The following ZNF551 variants were observed in gnomAD, a reference collection of about 807,000 sequenced individuals.
ZNF551 encodes the protein zinc finger protein 551.
Under a neutral mutation model 7.9 loss-of-function variants are expected in ZNF551, and 5 were observed. That is an observed-to-expected ratio of 0.63 (90% CI 0.33 to 1.33). The LOEUF (loss-of-function observed/expected upper bound fraction) is 1.33. ZNF551 is among the 40% of genes most tolerant of loss of function. The probability of loss-of-function intolerance (pLI) is 0.05; values close to 1 mark genes in which losing one functional copy is unlikely to be tolerated. For missense variants in ZNF551, 788 were observed against 825.2 expected, an observed-to-expected ratio of 0.95 and a Z score of 0.55; for synonymous variants, 287 against 277.3, an observed-to-expected ratio of 1.03 and a Z score of -0.35.
Position 57,687,744 on chromosome 19 carries a change from T to G in ZNF551, c.1469T>G (p.Leu490Arg). Residue 490 changes from leucine to arginine, a missense_variant, in exon 3 of 3, where the codon CTG (leucine) becomes CGG (arginine). Physicochemically the swap from Leu to Arg is moderately radical, Grantham distance 102. Coordinates refer to ENST00000282296, the MANE Select transcript of ZNF551 (RefSeq NM_138347.5). Reference protein sequence around the residue: ...CEKSFSRKFILIQHQRVHTGE... With the variant: ...CEKSFSRKFIRIQHQRVHTGE... ...AAATCCTTTAGCCGCAAATTTATCC[T>G]GATTCAACACCAAAGAGTTCACACT... 1 of 1,614,198 alleles carries G rather than the reference T, an allele frequency of 6.2e-7. No individual in the cohort carries two copies. Among genetic ancestry groups the G allele is most frequent in the Non-Finnish European group, 8.5e-7 (1 of 1,180,036 alleles).
rs12608585 is a variant in ZNF551 at position 57,689,260 on chromosome 19, G to T, written c.*972G>T. The T allele has an allele frequency of 0.54, 82,682 of 152,048 alleles. 22,758 individuals carry two copies. The highest frequency in any genetic ancestry group is 0.61 in the Middle Eastern group (178 of 294). The allele number at this position is 152,048 out of a possible 1,614,324, so 9.4% of individuals were successfully genotyped here. ...TTGCCCAGGTCCTGCAAAGGAGCCA[G>T]GTGCCATGGCATATAAGTCAGTGTA... On this transcript the variant is annotated 3_prime_UTR_variant, in exon 3 of 3. Coordinates refer to ENST00000282296, the MANE Select transcript of ZNF551 (RefSeq NM_138347.5).
At position 57,685,249 on chromosome 19, in the gene ZNF551, C is replaced by G. The variant is rs1327878842; in HGVS notation, c.82-13C>G. 3 of 1,613,178 alleles carry G rather than the reference C, an allele frequency of 1.9e-6. No individual in the cohort carries two copies. Among genetic ancestry groups the G allele is most frequent in the African/African-American group, 2.7e-5 (2 of 74,852 alleles). On this transcript the variant is annotated splice_polypyrimidine_tract_variant and intron_variant, in intron 1 of 2. Transcript: ENST00000282296. ...GGGTCTGATCGTGGATTGAACTATTCCTGCTGTGACAGGGTATGACCTTTG... is the reference window on the plus strand; with the variant it reads ...GGGTCTGATCGTGGATTGAACTATTGCTGCTGTGACAGGGTATGACCTTTG...
intron 2 of ZNF551, 111 bp downstream of exon 2, chr19:57,685,496 C>A: frequency 6.5e-7 from 1 of 1,532,200 alleles, no homozygotes. Context: ...CTTGTCTTCC[C>A]CCTGTCAGGA....
In ZNF551 at chr19:57,687,246, A is replaced by G. The variant is rs1984594796; in HGVS notation, c.971A>G (p.His324Arg). 1 of 1,614,044 alleles carries G rather than the reference A, an allele frequency of 6.2e-7. No homozygotes were observed. Among genetic ancestry groups the G allele is most frequent in the Non-Finnish European group, 8.5e-7 (1 of 1,180,032 alleles). Reference sequence around the variant, plus strand: ...TTTATCCATAAATCTGAATTCATTCACCACCAGAGACGTCACACTGGAGGA... The same window carrying G: ...TTTATCCATAAATCTGAATTCATTCGCCACCAGAGACGTCACACTGGAGGA... ...KAFIHKSEFI[H>R]HQRRHTGGVR... Residue 324 changes from histidine (H) to arginine (R), a missense_variant, in exon 3 of 3, where the codon CAC (histidine) becomes CGC (arginine). Physicochemically the swap from His to Arg is conservative, Grantham distance 29. Coordinates refer to ENST00000282296, the MANE Select transcript of ZNF551 (RefSeq NM_138347.5).
At position 57,682,018 on chromosome 19, in the gene ZNF551, T is replaced by C. The variant is rs1471266505; in HGVS notation, c.-146T>C. Reference sequence around the variant, plus strand: ...TCCTCGTGGCGGTCATTTTGGCCTCTGTCCTGTTTGTCCAGCCCGCCAGTT... The same window carrying C: ...TCCTCGTGGCGGTCATTTTGGCCTCCGTCCTGTTTGTCCAGCCCGCCAGTT... On this transcript the variant is annotated 5_prime_UTR_variant, in exon 1 of 3. Transcript: ENST00000282296. 6 of 828,606 alleles carry C rather than the reference T, an allele frequency of 7.2e-6. No homozygotes were observed. The highest frequency in any genetic ancestry group is 1.1e-5 in the Non-Finnish European group (6 of 540,914). The allele number at this position is 828,606 out of a possible 1,614,324, so 51.3% of individuals were successfully genotyped here.
Position 57,688,595 on chromosome 19 carries a change from T to G in ZNF551, c.*307T>G. 1 of 335,446 alleles carries G rather than the reference T, an allele frequency of 3.0e-6. No individual in the cohort carries two copies. Among genetic ancestry groups the G allele is most frequent in the Non-Finnish European group, 5.5e-6 (1 of 182,352 alleles). The allele number at this position is 335,446 out of a possible 1,614,324, so 20.8% of individuals were successfully genotyped here. Reference sequence around the variant, plus strand: ...CTCAGAGAAGCAAACCTCTGTACTCTCCCATTTGCTTGGGGAAATTATTAA... The same window carrying G: ...CTCAGAGAAGCAAACCTCTGTACTCGCCCATTTGCTTGGGGAAATTATTAA... On this transcript the variant is annotated 3_prime_UTR_variant, in exon 3 of 3. Coordinates refer to ENST00000282296, the MANE Select transcript of ZNF551 (RefSeq NM_138347.5).
chr19:57,688,346 G>T lies in ZNF551; in HGVS notation c.*58G>T. The T allele has an allele frequency of 2.6e-6, 4 of 1,557,928 alleles. No individual in the cohort carries two copies. The highest frequency in any genetic ancestry group is 3.5e-6 in the Non-Finnish European group (4 of 1,151,914). ...TATAATAGCACTGGAGGAGACTGTG[G>T]TAGCCATCTTCGTAAATTTAAACTT... On this transcript the variant is annotated 3_prime_UTR_variant, in exon 3 of 3. Transcript: ENST00000282296.
At position 57,688,979 on chromosome 19, in the gene ZNF551, T is replaced by G. The variant is rs1253655298; in HGVS notation, c.*691T>G. ...TGTGGAGATCTCAAACTTTCTGTACTCAGAAGGGACAATGTGATGGCAGAA... is the reference window on the plus strand; with the variant it reads ...TGTGGAGATCTCAAACTTTCTGTACGCAGAAGGGACAATGTGATGGCAGAA... On this transcript the variant is annotated 3_prime_UTR_variant, in exon 3 of 3. Coordinates refer to ENST00000282296, the MANE Select transcript of ZNF551 (RefSeq NM_138347.5). 1 of 152,418 alleles carries G rather than the reference T, an allele frequency of 6.6e-6. No homozygotes were observed. Among genetic ancestry groups the G allele is most frequent in the Non-Finnish European group, 1.5e-5 (1 of 68,314 alleles). The allele number at this position is 152,418 out of a possible 1,614,324, so 9.4% of individuals were successfully genotyped here.
chr19:57,682,344 T>A, intron 1 of ZNF551, 100 bp downstream of exon 1: 1 of 1,277,220 alleles, frequency 7.8e-7, no homozygotes, highest in Non-Finnish European at 1.1e-6. Flanking sequence ...CAGGCCCCAG[T>A]ACCCTGGACA....
At position 57,686,572 on chromosome 19, in the gene ZNF551, G is replaced by A; in HGVS notation, c.297G>A (p.Gln99=). 1 of 1,614,204 alleles carries A rather than the reference G, an allele frequency of 6.2e-7. No homozygotes were observed. Among genetic ancestry groups the A allele is most frequent in the Non-Finnish European group, 8.5e-7 (1 of 1,180,042 alleles). Residue 99 remains glutamine (Q), a synonymous_variant, in exon 3 of 3, where the codon CAG becomes CAA. Coordinates refer to ENST00000282296, the MANE Select transcript of ZNF551 (RefSeq NM_138347.5). Reference sequence around the variant, plus strand: ...CTTCTAAGGGCAATACACCCACCCAGAAAACTCACCTCAGTGAGATTAAGA... The same window carrying A: ...CTTCTAAGGGCAATACACCCACCCAAAAAACTCACCTCAGTGAGATTAAGA... The part of the protein sequence containing the change: ...VRTSKGNTPT[Q]KTHLSEIKMC...
intron 1 of ZNF551, among the ~76,000 whole-genome samples, chr19:57,684,975 C>G (rs1023733540): frequency 2.0e-5 from 3 of 152,134 alleles, no homozygotes; most frequent in Non-Finnish European, 2.9e-5. Flanking sequence ...TCACTCACAC[C>G]CTGTCTATGG....
chr19:57,683,342 C>A (rs903904093), intron 1 of ZNF551, among the ~76,000 whole-genome samples: 2 of 152,158 alleles, frequency 1.3e-5, no homozygotes, highest in African/African-American at 4.8e-5. Context: ...AGAGTGGAGT[C>A]AGGGATGACT....
Position 57,687,297 on chromosome 19 carries a change from G to A in ZNF551, c.1022G>A (p.Arg341Lys). The change falls in exon 3 of 3, where the codon AGG (arginine) becomes AAG (lysine). Residue 341 changes from arginine (R) to lysine (K), a missense_variant. Physicochemically the swap from Arg to Lys is conservative, Grantham distance 26. Transcript: ENST00000282296. ...GTGCGTCATGAGTGTGGTGAATGTA[G>A]GAAAACCTTTAGCTACAAATCTAAC... Reference protein sequence around the residue: ...GGVRHECGECRKTFSYKSNLI... With the variant: ...GGVRHECGECKKTFSYKSNLI... The A allele has an allele frequency of 1.2e-6, 2 of 1,614,134 alleles. No homozygotes were observed. The highest frequency in any genetic ancestry group is 1.7e-6 in the Non-Finnish European group (2 of 1,180,024).
In ZNF551 at chr19:57,687,269, G is replaced by C. The variant is rs1404085204; in HGVS notation, c.994G>C (p.Gly332Arg). The change falls in exon 3 of 3, where the codon GGA becomes CGA. Residue 332 changes from glycine to arginine, a missense_variant. By Grantham distance (125) the Gly-to-Arg change is moderately radical. Coordinates refer to ENST00000282296, the MANE Select transcript of ZNF551 (RefSeq NM_138347.5). ...TCACCACCAGAGACGTCACACTGGA[G>C]GAGTGCGTCATGAGTGTGGTGAATG... ...FIHHQRRHTG[G>R]VRHECGECRK... is the part of the protein sequence containing the mutation. The C allele has an allele frequency of 6.2e-7, 1 of 1,614,184 alleles. No homozygotes were observed. The highest frequency in any genetic ancestry group is 2.2e-5 in the East Asian group (1 of 44,884).
chr19:57,686,141 G>A (rs1400688120), intron 2 of ZNF551, among the ~76,000 whole-genome samples: 3 of 152,196 alleles, frequency 2.0e-5, no homozygotes, highest in Non-Finnish European at 4.4e-5. Flanking sequence ...CAGCTATCAA[G>A]TTTCAATTGG....
chr19:57,688,225 A>G lies in ZNF551; in HGVS notation c.1950A>G (p.Lys650=), dbSNP rs752891624. ...ERPYECSECG[K]SFSRKSNLIR... ...CTTATGAATGCAGTGAATGTGGGAA[A>G]TCCTTTAGCCGCAAATCTAACCTCA... Residue 650 remains lysine (K), a synonymous_variant, in exon 3 of 3, where the codon AAA becomes AAG. Transcript: ENST00000282296. 15 of 1,614,282 alleles carry G rather than the reference A, an allele frequency of 9.3e-6. No individual in the cohort carries two copies. The East Asian group carries it at 2.9e-4, about 31-fold the overall frequency.
In ZNF551 at chr19:57,682,095, G is replaced by A. The variant is rs1984399231; in HGVS notation, c.-69G>A. The A allele has an allele frequency of 6.7e-7, 1 of 1,488,816 alleles. No homozygotes were observed. Among genetic ancestry groups the A allele is most frequent in the Admixed American group, 2.0e-5 (1 of 49,146 alleles). 92.2% of individuals were successfully genotyped at this position (1,488,816 alleles called of 1,614,324 possible). On this transcript the variant is annotated 5_prime_UTR_variant, in exon 1 of 3. Transcript: ENST00000282296. ...ACGGGACAGAGAAGTCGCGAAAGTG[G>A]GCCAGAGGTTCTGCGACACCACCTC...
Position 57,682,185 on chromosome 19 carries a change from CG to C in ZNF551, c.23del (p.Arg8ProfsTer15). On this transcript the variant is annotated frameshift_variant, in exon 1 of 3. Coordinates refer to ENST00000282296, the MANE Select transcript of ZNF551 (RefSeq NM_138347.5). LOFTEE classifies it high-confidence loss of function. MPAPVGR[R>X]SPPSPRSSMA... ...TCGAATGCCCGCCCCGGTCGGCCGC[CG>C]CTCCCCGCCTAGTCCACGGAGCTCA... 1 of 1,549,594 alleles carries C rather than the reference CG, an allele frequency of 6.5e-7. No individual in the cohort carries two copies. Among genetic ancestry groups the C allele is most frequent in the South Asian group, 1.2e-5 (1 of 84,010 alleles).
At chr19:57,686,395 T>C in intron 2 of ZNF551, 86 bp from the exon 3 acceptor site, 3 of 1,541,306 alleles carry the variant, frequency 1.9e-6, no homozygotes, top group Non-Finnish European at 2.6e-6. Flanking sequence ...ATGCACTCAG[T>C]TCTTGTGTCT....
Sources: gnomAD v4.1 joint callset for allele counts (sites outside exome capture counted in the v4.1 genomes callset) on GRCh38, gnomAD v4.1.1 for gene constraint, MANE v1.5 for transcripts, NCBI Gene and HGNC (gene_info 2026-07-23, HGNC 2026-07-21) for gene names.